The following EPHB1 variants were observed in gnomAD, a reference collection of about 807,000 sequenced individuals.
The protein encoded by EPHB1 is EPH receptor B1.
A neutral mutation model predicts 94.4 loss-of-function variants in EPHB1; 30 were observed. The ratio of observed to expected loss-of-function variants is 0.32; its 90% confidence interval spans 0.24 to 0.43. The LOEUF (loss-of-function observed/expected upper bound fraction) is 0.43, where lower values mean the gene tolerates loss of function less well. Among genes scored for constraint, EPHB1 ranks in the 20% least tolerant of loss-of-function variants. EPHB1 has a pLI of 1.00. For synonymous variants in EPHB1, 522 were observed against 489.1 expected, an observed-to-expected ratio of 1.07 and a Z score of -0.89; for missense variants, 1,055 against 1,308.3, an observed-to-expected ratio of 0.81 and a Z score of 2.99.
intron 1 of EPHB1, among the ~76,000 whole-genome samples, chr3:134,823,035 A>G (rs2108290577): frequency 6.6e-6 from 1 of 152,248 alleles, no homozygotes; most frequent in African/African-American, 2.4e-5. Flanking sequence ...ACTCCTCAGG[A>G]CCACAGGACT....
At chr3:135,014,157 G>C (rs758355799) in intron 3 of EPHB1, among the ~76,000 whole-genome samples, 2 of 152,148 alleles carry the variant, frequency 1.3e-5, no homozygotes, top group Admixed American at 6.5e-5. Context: ...TCTCAAACCA[G>C]CTACCTGGAT....
chr3:134,974,827 C>G (rs1578245536), intron 3 of EPHB1, among the ~76,000 whole-genome samples: 1 of 139,494 alleles, frequency 7.2e-6, no homozygotes, highest in Non-Finnish European at 1.5e-5. Context: ...CATCTCTGAT[C>G]CGTGGCAGCA....
rs145853999 is a variant in EPHB1 at position 135,178,011 on chromosome 3, C to G, written c.1760-1849C>G. On this transcript the variant is annotated intron_variant, in intron 9 of 15. Coordinates refer to ENST00000398015, the MANE Select transcript of EPHB1 (RefSeq NM_004441.5). Reference sequence around the variant, plus strand: ...CAATTTCCTTTGTCCAAATTTCAGTCTATATATTCTCAAGTCAGTGTCCTC... The same window carrying G: ...CAATTTCCTTTGTCCAAATTTCAGTGTATATATTCTCAAGTCAGTGTCCTC... Among the ~76,000 whole-genome samples the G allele has an allele frequency of 2.0e-3, 303 of 152,250 alleles. 1 individual carries two copies. The highest frequency in any genetic ancestry group is 6.6e-3 in the African/African-American group (274 of 41,538).
intron 8 of EPHB1, 142 bp from the exon 9 acceptor site, chr3:135,166,800 G>A: frequency 5.3e-6 from 4 of 760,954 alleles, no homozygotes; most frequent in South Asian, 3.6e-5. Flanking sequence ...CAGCAGGAGG[G>A]CTGAAGTGAG....
intron 1 of EPHB1, among the ~76,000 whole-genome samples, chr3:134,808,145 C>T (rs1456398932): frequency 6.6e-6 from 1 of 152,202 alleles, no homozygotes; most frequent in African/African-American, 2.4e-5. Flanking sequence ...TTGACTTCAT[C>T]CTCAGATAGG....
chr3:134,972,487 CATTATATATTTATTATAAATATATATT>C (rs71997720), intron 3 of EPHB1, among the ~76,000 whole-genome samples: 59,151 of 137,368 alleles, frequency 0.43, 13,930 homozygotes, highest in African/African-American at 0.62. Flanking sequence ...ATATACTATA[CATTATATATTTATTATAAATATATATT>C]ATTATATATT....
At chr3:135,095,060 G>C (rs1383000688) in intron 3 of EPHB1, among the ~76,000 whole-genome samples, 1 of 152,144 alleles carries the variant, frequency 6.6e-6, no homozygotes, top group South Asian at 2.1e-4. Context: ...CCTAGTCTCT[G>C]AGTGAGACTC....
intron 13 of EPHB1, among the ~76,000 whole-genome samples, chr3:135,243,945 T>C (rs1177673905): frequency 6.6e-6 from 1 of 152,156 alleles, no homozygotes; most frequent in African/African-American, 2.4e-5. Context: ...GTTTCTCCAC[T>C]GCTCTGAGTT....
At chr3:134,897,137 C>T (rs998914046) in intron 1 of EPHB1, among the ~76,000 whole-genome samples, 2 of 152,208 alleles carry the variant, frequency 1.3e-5, no homozygotes, top group African/African-American at 4.8e-5. Context: ...AGCCCTCTAC[C>T]ATATTTATTC....
chr3:135,011,669 T>C (rs568279473), intron 3 of EPHB1, among the ~76,000 whole-genome samples: 1 of 152,110 alleles, frequency 6.6e-6, no homozygotes, highest in Non-Finnish European at 1.5e-5. Flanking sequence ...CTCTGAGCTA[T>C]CCCACAGGTC....
At chr3:135,235,854 C>G (rs1035274372) in intron 12 of EPHB1, among the ~76,000 whole-genome samples, 1 of 152,116 alleles carries the variant, frequency 6.6e-6, no homozygotes, top group African/African-American at 2.4e-5. Context: ...TGGCCGAGGT[C>G]TGATCAACAG....
intron 4 of EPHB1, among the ~76,000 whole-genome samples, chr3:135,130,171 A>AT (rs1469934203): frequency 6.6e-6 from 1 of 152,076 alleles, no homozygotes; most frequent in Non-Finnish European, 1.5e-5. Context: ...GGTAGGAAAA[A>AT]TGATGAGGCC....
intron 1 of EPHB1, among the ~76,000 whole-genome samples, chr3:134,834,268 G>A (rs1192409832): frequency 2.0e-5 from 3 of 152,178 alleles, no homozygotes; most frequent in Non-Finnish European, 4.4e-5. Context: ...CATATTTGTT[G>A]CAGGAGAGGT....
chr3:135,164,753 G>C (rs1430848571), intron 7 of EPHB1, among the ~76,000 whole-genome samples: 8 of 144,180 alleles, frequency 5.5e-5, no homozygotes, highest in Non-Finnish European at 9.0e-5. Flanking sequence ...AGGTTACAGT[G>C]AGCCAAGATT....
At chr3:135,145,749 AC>A (rs1940989424) in intron 5 of EPHB1, among the ~76,000 whole-genome samples, 1 of 152,104 alleles carries the variant, frequency 6.6e-6, no homozygotes, top group Admixed American at 6.5e-5. Flanking sequence ...CCTTGGGACT[AC>A]CATATTCAGG....
intron 1 of EPHB1, among the ~76,000 whole-genome samples, chr3:134,886,818 G>C (rs191140985): frequency 6.6e-6 from 1 of 151,832 alleles, no homozygotes; most frequent in African/African-American, 2.4e-5. Flanking sequence ...TTTGAGTTTC[G>C]TATCCAAAGT....
chr3:134,981,568 A>C (rs1233168911), intron 3 of EPHB1, among the ~76,000 whole-genome samples: 1 of 152,236 alleles, frequency 6.6e-6, no homozygotes, highest in African/African-American at 2.4e-5. Context: ...GAACACAGCT[A>C]GAAAAAAATG....
rs116052381 is a variant in EPHB1, at chr3:135,241,060, T to G, written c.2347-88T>G. On this transcript the variant is annotated intron_variant, in intron 12 of 15. Coordinates refer to ENST00000398015, the MANE Select transcript of EPHB1 (RefSeq NM_004441.5). Reference sequence around the variant, plus strand: ...TTCACAAGATATGGGAGTGAGAGTTTGGAAGAATGTGCATGCCAAGTTTTT... The same window carrying G: ...TTCACAAGATATGGGAGTGAGAGTTGGGAAGAATGTGCATGCCAAGTTTTT... 8.8e-3 allele frequency: 13,149 copies of G among 1,490,546 alleles called. 76 individuals carry two copies. The highest frequency in any genetic ancestry group is 0.011 in the Non-Finnish European group (11,719 of 1,072,926). The allele number at this position is 1,490,546 out of a possible 1,614,324, so 92.3% of individuals were successfully genotyped here.
intron 1 of EPHB1, among the ~76,000 whole-genome samples, chr3:134,841,084 C>T (rs1378540915): frequency 6.6e-6 from 1 of 152,210 alleles, no homozygotes; most frequent in Non-Finnish European, 1.5e-5. Flanking sequence ...TCCTCAGCTA[C>T]ATCTACCCTT....
Sources: gnomAD v4.1 joint callset for allele counts (sites outside exome capture counted in the v4.1 genomes callset) on GRCh38, gnomAD v4.1.1 for gene constraint, MANE v1.5 for transcripts, NCBI Gene and HGNC (gene_info 2026-07-23, HGNC 2026-07-21) for gene names.